Variants in GABBR2 observed in about 807,000 individuals in gnomAD.
GABBR2 encodes gamma-aminobutyric acid type B receptor subunit 2.
A neutral mutation model predicts 105.6 loss-of-function variants in GABBR2; 23 were observed. The ratio of observed to expected loss-of-function variants is 0.22; its 90% CI spans 0.16 to 0.31. The LOEUF (loss-of-function observed/expected upper bound fraction) is 0.31. Among genes scored for constraint, GABBR2 ranks in the 10% least tolerant of loss-of-function variants. GABBR2 has a pLI of 1.00. For missense variants in GABBR2, 734 were observed against 1,245.5 expected (o/e 0.59, Z 6.18); for synonymous variants, 478 against 499.7 (o/e 0.96, Z 0.58).
chr9:98,641,129 G>GTTTTTT (rs34931575), intron 1 of GABBR2, among the ~76,000 whole-genome samples: 2 of 125,238 alleles, frequency 1.6e-5, no homozygotes, highest in African/African-American at 2.9e-5. Flanking sequence ...CTGTGGTTTG[G>GTTTTTT]TTTTTTTTTT....
chr9:98,628,662 C>T (rs1010275900), intron 1 of GABBR2, among the ~76,000 whole-genome samples: 1 of 152,168 alleles, frequency 6.6e-6, no homozygotes. Context: ...GTGATCCAAA[C>T]CACACCTGGA....
At chr9:98,639,824 G>T (rs868507946) in intron 1 of GABBR2, among the ~76,000 whole-genome samples, 1 of 151,972 alleles carries the variant, frequency 6.6e-6, no homozygotes, top group Admixed American at 6.6e-5. Context: ...GCCTTATCTC[G>T]GGAGGCACTC....
chr9:98,667,739 C>T (rs1256921033), intron 1 of GABBR2, among the ~76,000 whole-genome samples: 1 of 152,212 alleles, frequency 6.6e-6, no homozygotes, highest in East Asian at 1.9e-4. Context: ...AGCTCCTGCA[C>T]GCACATCTGT....
intron 18 of GABBR2, among the ~76,000 whole-genome samples, chr9:98,291,252 T>C (rs1471326986): frequency 6.6e-6 from 1 of 152,214 alleles, no homozygotes; most frequent in Non-Finnish European, 1.5e-5. Flanking sequence ...AAATATCTCA[T>C]GCAATTTACT....
At chr9:98,542,368 C>T (rs1828322287) in intron 2 of GABBR2, among the ~76,000 whole-genome samples, 1 of 152,168 alleles carries the variant, frequency 6.6e-6, no homozygotes, top group Non-Finnish European at 1.5e-5. Context: ...TGAAATCATT[C>T]TACATGCACA....
rs1284389749 is a variant in GABBR2 at position 98,454,233 on chromosome 9, A to G, written c.1000-16T>C. The G allele has an allele frequency of 6.4e-7, 1 of 1,558,302 alleles. No homozygotes were observed. The highest frequency in any genetic ancestry group is 8.9e-7 in the Non-Finnish European group (1 of 1,129,222). On this transcript the variant is annotated splice_polypyrimidine_tract_variant and intron_variant, in intron 6 of 18. Transcript: ENST00000259455. This position sits in a 1 kb window ranked among gnomAD's most constrained non-coding sequence, Gnocchi z 4.6. ...GCTGTGGAGTCTGGAAAAACAGGGG[A>G]TTGGGGGAATCCCAAGTTATACTCG...
chr9:98,557,420 T>G (rs1828605309), intron 2 of GABBR2, among the ~76,000 whole-genome samples: 2 of 152,218 alleles, frequency 1.3e-5, no homozygotes. Flanking sequence ...GCAAACTTAC[T>G]GTGTGGGGTC....
chr9:98,573,244 G>A (rs1430390215), intron 2 of GABBR2, among the ~76,000 whole-genome samples: 1 of 152,188 alleles, frequency 6.6e-6, no homozygotes, highest in Non-Finnish European at 1.5e-5. Flanking sequence ...AATCTGATAT[G>A]GAAGACTGGC....
At chr9:98,370,639 C>A (rs583641) in intron 12 of GABBR2, among the ~76,000 whole-genome samples, 41,750 of 152,082 alleles carry the variant, frequency 0.27, 6,075 homozygotes, top group South Asian at 0.32. Flanking sequence ...ATGCTGTTTG[C>A]AGTTTTGAAT....
intron 1 of GABBR2, among the ~76,000 whole-genome samples, chr9:98,585,642 A>G (rs974314435): frequency 3.9e-5 from 6 of 152,088 alleles, no homozygotes; most frequent in African/African-American, 1.2e-4. Flanking sequence ...AAAGTATAAT[A>G]ATAATAAAAT....
At chr9:98,337,637 T>C (rs889731933) in intron 13 of GABBR2, among the ~76,000 whole-genome samples, 3 of 152,160 alleles carry the variant, frequency 2.0e-5, no homozygotes, top group Non-Finnish European at 4.4e-5. Flanking sequence ...GATAGACATA[T>C]AAATTGGTGG....
chr9:98,484,923 C>T (rs980000777), intron 4 of GABBR2, among the ~76,000 whole-genome samples: 1 of 152,180 alleles, frequency 6.6e-6, no homozygotes, highest in Non-Finnish European at 1.5e-5. Flanking sequence ...AGACAAGCCC[C>T]CTGCCTCCCT....
chr9:98,359,323 G>A (rs1831541269), intron 13 of GABBR2, among the ~76,000 whole-genome samples: 1 of 152,112 alleles, frequency 6.6e-6, no homozygotes, highest in Admixed American at 6.5e-5. Context: ...AGCTACTTGG[G>A]AGGCTGAGGC....
At chr9:98,526,500 A>G (rs1376980965) in intron 3 of GABBR2, among the ~76,000 whole-genome samples, 1 of 150,448 alleles carries the variant, frequency 6.6e-6, no homozygotes, top group Non-Finnish European at 1.5e-5. Context: ...TGACTTCACC[A>G]CTCTCTGCAT....
intron 2 of GABBR2, 140 bp downstream of exon 2, chr9:98,577,795 C>T: frequency 2.6e-6 from 2 of 756,514 alleles, no homozygotes; most frequent in African/African-American, 3.5e-5. Flanking sequence ...CAGTGAAAGG[C>T]TGTGCTATCA....
At chr9:98,691,984 C>T (rs1830687962) in intron 1 of GABBR2, among the ~76,000 whole-genome samples, 1 of 152,208 alleles carries the variant, frequency 6.6e-6, no homozygotes, top group Admixed American at 6.5e-5. Flanking sequence ...ATGTATCAGG[C>T]AGTGGCTGAA....
chr9:98,468,060 C>T (rs1184410117), intron 6 of GABBR2, among the ~76,000 whole-genome samples: 1 of 152,184 alleles, frequency 6.6e-6, no homozygotes, highest in Non-Finnish European at 1.5e-5. Flanking sequence ...GGGCCCAAAG[C>T]AGGAGTCCAG....
chr9:98,425,101 TAATAC>T (rs1832850741), intron 7 of GABBR2, among the ~76,000 whole-genome samples: 1 of 151,992 alleles, frequency 6.6e-6, no homozygotes, highest in Admixed American at 6.6e-5. Context: ...ATTATATATA[TAATAC>T]ATTTACATAA....
At chr9:98,304,786 GCGGGTAAAGGGTCTCACTCTGT>G (rs1830524199) in intron 15 of GABBR2, among the ~76,000 whole-genome samples, 1 of 130,320 alleles carries the variant, frequency 7.7e-6, no homozygotes, top group South Asian at 2.7e-4. Context: ...TTTTGGAGGG[GCGGGTAAAGGGTCTCACTCTGT>G]CACCAAGGCT....
Sources: allele counts gnomAD v4.1 joint callset (sites outside exome capture counted in the v4.1 genomes callset), GRCh38; gene constraint gnomAD v4.1.1; non-coding constraint Gnocchi (gnomAD v3.1); transcripts MANE v1.5; gene names NCBI Gene and HGNC (gene_info 2026-07-23, HGNC 2026-07-21).